THAP12: variants seen among roughly 807,000 people sequenced by gnomAD.
THAP12 encodes 52 kDa repressor of the inhibitor of the protein kinase.
A neutral mutation model predicts 63.0 loss-of-function variants in THAP12; 20 were observed. That is an observed-to-expected ratio of 0.32 (90% CI 0.22 to 0.46). THAP12 has a LOEUF of 0.46. Among genes scored for constraint, THAP12 ranks in the 20% least tolerant of loss-of-function variants. The pLI, the probability that THAP12 is intolerant of heterozygous loss-of-function variation, is 1.00. For missense variants in THAP12, 568 were observed against 908.2 expected (o/e 0.63, Z 4.81); for synonymous variants, 264 against 328.4 (o/e 0.80, Z 2.12).
intron 4 of THAP12, among the ~76,000 whole-genome samples, chr11:76,353,151 C>T (rs777128077): frequency 1.3e-3 from 204 of 152,112 alleles, no homozygotes; most frequent in Middle Eastern, 6.8e-3. Flanking sequence ...CTCCAAAGTA[C>T]AAGGATTAAA....
intron 1 of THAP12, among the ~76,000 whole-genome samples, chr11:76,366,725 T>C (rs1005340762): frequency 2.6e-5 from 4 of 151,840 alleles, no homozygotes; most frequent in Non-Finnish European, 5.9e-5. Context: ...TTTAAATAAC[T>C]AGTTTCTAAG....
At position 76,381,131 on chromosome 11, in the gene THAP12, G is replaced by A. The variant is rs1946758003; in HGVS notation, c.-295C>T. On this transcript the variant is annotated 5_prime_UTR_variant, in exon 1 of 5. Coordinates refer to ENST00000260045, the MANE Select transcript of THAP12 (RefSeq NM_004705.4). ...GACGCTGCCGCCTCCTTCCCACAAT[G>A]CACCCTGACGCCCGGGGGTGCCCTC... is the stretch of plus-strand genomic sequence containing the variant. 6.6e-6 allele frequency among the ~76,000 whole-genome samples: 1 copy of A among 152,012 alleles called. No individual in the cohort carries two copies. Among genetic ancestry groups the A allele is most frequent in the South Asian group, 2.1e-4 (1 of 4,826 alleles).
In THAP12 at chr11:76,380,959, G is replaced by T; in HGVS notation, c.-123C>A. Reference sequence around the variant, plus strand: ...GCCGGCTCGGCAGGGCCGACGCGCGGGGGAGGGGCGGGCGGGCTAGAAGCC... The same window carrying T: ...GCCGGCTCGGCAGGGCCGACGCGCGTGGGAGGGGCGGGCGGGCTAGAAGCC... On this transcript the variant is annotated 5_prime_UTR_variant, in exon 1 of 5. Coordinates refer to ENST00000260045, the MANE Select transcript of THAP12 (RefSeq NM_004705.4). 2.2e-6 allele frequency: 1 copy of T among 453,032 alleles called. No homozygotes were observed. Among genetic ancestry groups the T allele is most frequent in the Non-Finnish European group, 3.3e-6 (1 of 301,498 alleles). The allele number at this position is 453,032 out of a possible 1,614,324, so 28.1% of individuals were successfully genotyped here.
intron 1 of THAP12, among the ~76,000 whole-genome samples, chr11:76,366,602 A>ACCCGGGAGGTTACCCT (rs1305354063): frequency 1.3e-5 from 2 of 151,698 alleles, no homozygotes; most frequent in South Asian, 2.1e-4. Flanking sequence ...AATGGCGTGA[A>ACCCGGGAGGTTACCCT]CCCGGGAGGC....
At chr11:76,376,873 G>A (rs1946715026) in intron 1 of THAP12, among the ~76,000 whole-genome samples, 1 of 152,052 alleles carries the variant, frequency 6.6e-6, no homozygotes, top group Admixed American at 6.6e-5. Context: ...ACTGACTAGG[G>A]GTGCCCTCAT....
In THAP12 at chr11:76,380,801, C is replaced by T. The variant is rs1303988053; in HGVS notation, c.36G>A (p.Arg12=). ...AGGCCAAGTCGGACTGCGTGCTCTT[C>T]CGCGTGCAGTTGGGGGCAGCGCAGA... The part of the protein sequence containing the change: ...PNFCAAPNCT[R]KSTQSDLAFF... Residue 12 remains arginine, a synonymous_variant, in exon 1 of 5, where the codon CGG becomes CGA. Coordinates refer to ENST00000260045, the MANE Select transcript of THAP12 (RefSeq NM_004705.4). The T allele has an allele frequency of 5.5e-6, 8 of 1,463,694 alleles. No individual in the cohort carries two copies. Among genetic ancestry groups the T allele is most frequent in the Admixed American group, 2.4e-5 (1 of 42,094 alleles). The allele number at this position is 1,463,694 out of a possible 1,614,324, so 90.7% of individuals were successfully genotyped here.
chr11:76,371,544 A>AT (rs1946674326), intron 1 of THAP12, among the ~76,000 whole-genome samples: 1 of 152,084 alleles, frequency 6.6e-6, no homozygotes, highest in Admixed American at 6.6e-5. Context: ...TTATCTTACT[A>AT]TATTATTCCC....
chr11:76,380,724 G>C, intron 1 of THAP12, 24 bp downstream of exon 1: 1 of 1,394,842 alleles, frequency 7.2e-7, no homozygotes, highest in Non-Finnish European at 9.4e-7. Flanking sequence ...GGCCCGGGCC[G>C]CCCGCTCTGC....
intron 3 of THAP12, among the ~76,000 whole-genome samples, chr11:76,360,226 C>T (rs1040367087): frequency 6.6e-6 from 1 of 152,084 alleles, no homozygotes; most frequent in African/African-American, 2.4e-5. Context: ...TTAAAAAGCA[C>T]ACAGTAGGTG....
chr11:76,354,762 A>G (rs1946548912), intron 4 of THAP12, among the ~76,000 whole-genome samples: 1 of 152,070 alleles, frequency 6.6e-6, no homozygotes, highest in Admixed American at 6.5e-5. Context: ...CCCTATTGCT[A>G]ATAGCCCACA....
At chr11:76,359,639 C>G (rs1946584341) in intron 3 of THAP12, 1 of 152,148 alleles carries the variant, frequency 6.6e-6, no homozygotes, top group Non-Finnish European at 1.5e-5. Context: ...ACCAGCCTGG[C>G]TGACATGGCA....
In THAP12 at chr11:76,380,831, C is replaced by T. The variant is rs1448424674; in HGVS notation, c.6G>A (p.Pro2=). 2.1e-6 allele frequency: 3 copies of T among 1,428,814 alleles called. No homozygotes were observed. Among genetic ancestry groups the T allele is most frequent in the Admixed American group, 2.5e-5 (1 of 39,634 alleles). The allele number at this position is 1,428,814 out of a possible 1,614,324, so 88.5% of individuals were successfully genotyped here. ...TGCAGTTGGGGGCAGCGCAGAAGTT[C>T]GGCATCGTCGCCCGCCCGCCGGCCG... M[P]NFCAAPNCTR... is the part of the protein sequence containing the mutation. The change falls in exon 1 of 5, where the codon CCG becomes CCA. Residue 2 remains proline, a synonymous_variant. Transcript: ENST00000260045.
At chr11:76,356,309 C>G (rs968727151) in intron 3 of THAP12, 1 of 152,290 alleles carries the variant, frequency 6.6e-6, no homozygotes, top group African/African-American at 2.4e-5. Context: ...CTGAAGACAG[C>G]AGGATGCCTG....
intron 2 of THAP12, 38 bp downstream of exon 2, chr11:76,365,814 A>G (rs1255601062): frequency 1.3e-6 from 2 of 1,595,690 alleles, no homozygotes; most frequent in African/African-American, 1.3e-5. Context: ...AGAGAAATCA[A>G]GTCAAACAGA....
At chr11:76,360,323 A>G (rs2134504027) in intron 3 of THAP12, among the ~76,000 whole-genome samples, 1 of 152,284 alleles carries the variant, frequency 6.6e-6, no homozygotes, top group East Asian at 1.9e-4. Flanking sequence ...GTGAAGAAGG[A>G]AAAATAATAA....
rs758969832 is a variant in THAP12 at position 76,351,435 on chromosome 11, C to T, written c.1715G>A (p.Ser572Asn). Residue 572 changes from serine (S) to asparagine (N), a missense_variant, in exon 5 of 5, where the codon AGT (serine) becomes AAT (asparagine). Coordinates refer to ENST00000260045, the MANE Select transcript of THAP12 (RefSeq NM_004705.4). ...GNLESQLTSE[S>N]YYKETLSVPT... ...GACACTTAGGGTTTCTTTATAGTAA[C>T]TCTCAGAGGTTAGCTGAGATTCCAA... is the stretch of plus-strand genomic sequence containing the variant. 85 of 1,603,058 alleles carry T rather than the reference C, an allele frequency of 5.3e-5. No homozygotes were observed. In the Middle Eastern group the frequency reaches 9.0e-4, roughly 17 times the overall value.
chr11:76,359,139 A>T (rs1010582236), intron 3 of THAP12: 4 of 152,242 alleles, frequency 2.6e-5, no homozygotes, highest in African/African-American at 9.6e-5. Flanking sequence ...AGAATATATC[A>T]TCTATACCAG....
chr11:76,363,164 A>T (rs571045729), intron 2 of THAP12, among the ~76,000 whole-genome samples: 12 of 152,136 alleles, frequency 7.9e-5, no homozygotes, highest in South Asian at 2.1e-4. Context: ...ATAATAATAA[A>T]AAATATAAAT....
intron 3 of THAP12, 111 bp from the exon 4 acceptor site, chr11:76,355,765 C>A: frequency 1.2e-6 from 1 of 836,336 alleles, no homozygotes; most frequent in South Asian, 2.2e-5. Flanking sequence ...CAATTTAATT[C>A]TTTCAAGAGC....
Sources: allele counts gnomAD v4.1 joint callset (sites outside exome capture counted in the v4.1 genomes callset), GRCh38; gene constraint gnomAD v4.1.1; transcripts MANE v1.5; gene names NCBI Gene and HGNC (gene_info 2026-07-23, HGNC 2026-07-21).